CAMK2B: variants seen among roughly 807,000 people sequenced by gnomAD.
CAMK2B encodes the protein calcium/calmodulin-dependent protein kinase type II subunit beta.
Under a neutral mutation model 93.7 loss-of-function variants are expected in CAMK2B, and 27 were observed. The observed-to-expected ratio is 0.29, with a 90% CI of 0.21 to 0.40. The LOEUF (loss-of-function observed/expected upper bound fraction) is 0.40, where lower values mean the gene tolerates loss of function less well. Ranked by LOEUF, CAMK2B falls within the 10% of genes least tolerant of loss-of-function variation. CAMK2B has a pLI of 1.00. For missense variants in CAMK2B, 568 were observed against 895.8 expected (o/e 0.63, Z 4.67); for synonymous variants, 374 against 358.8 (o/e 1.04, Z -0.48).
At chr7:44,231,654 A>G (rs113863748) in intron 16 of CAMK2B, among the ~76,000 whole-genome samples, 1 of 152,168 alleles carries the variant, frequency 6.6e-6, no homozygotes, top group African/African-American at 2.4e-5. Flanking sequence ...GGCCCCAGGC[A>G]GAGCATTCCT....
intron 5 of CAMK2B, among the ~76,000 whole-genome samples, chr7:44,252,980 G>C (rs1157746221): frequency 6.6e-6 from 1 of 152,206 alleles, no homozygotes; most frequent in East Asian, 1.9e-4. Flanking sequence ...ACAGAAGTCT[G>C]GGGCCAAGAG....
intron 2 of CAMK2B, among the ~76,000 whole-genome samples, chr7:44,266,233 G>C (rs2096920321): frequency 6.6e-6 from 1 of 152,070 alleles, no homozygotes; most frequent in Non-Finnish European, 1.5e-5. Flanking sequence ...CAAGAAGGAG[G>C]GGGCACAAGG....
chr7:44,278,565 GGGGA>G (rs1385259756), intron 2 of CAMK2B, among the ~76,000 whole-genome samples: 3 of 152,162 alleles, frequency 2.0e-5, no homozygotes, highest in Non-Finnish European at 4.4e-5. Flanking sequence ...TCCCCGCATG[GGGGA>G]GGCAGCCCAG....
At chr7:44,232,702 A>T in intron 16 of CAMK2B, 120 bp downstream of exon 16, 1 of 791,792 alleles carries the variant, frequency 1.3e-6, no homozygotes, top group Non-Finnish European at 1.9e-6. Context: ...TACTGCGGGG[A>T]GGGGCGGCCA....
chr7:44,258,624 A>G (rs1469876813), intron 4 of CAMK2B, among the ~76,000 whole-genome samples: 3 of 152,048 alleles, frequency 2.0e-5, no homozygotes, highest in Non-Finnish European at 2.9e-5. Flanking sequence ...TGTGGAGGAG[A>G]GGGGGAGTCC....
At chr7:44,261,939 A>C (rs942645287) in intron 3 of CAMK2B, among the ~76,000 whole-genome samples, 4 of 152,164 alleles carry the variant, frequency 2.6e-5, no homozygotes, top group African/African-American at 9.7e-5. Flanking sequence ...AAGCTGCAGT[A>C]GCAGGCCCCT....
rs1045517652 is a variant in CAMK2B, at chr7:44,225,791, G to A, written c.1597+725C>T. Reference sequence around the variant, plus strand: ...GCCACTGCCCTGCCATGCCGAGCCCGTGGCCCAGCAGCCTCTTCTCTAAGA... The same window carrying A: ...GCCACTGCCCTGCCATGCCGAGCCCATGGCCCAGCAGCCTCTTCTCTAAGA... On this transcript the variant is annotated intron_variant, in intron 20 of 23. Coordinates refer to ENST00000395749, the MANE Select transcript of CAMK2B (RefSeq NM_001220.5). This position sits in a 1 kb window ranked among gnomAD's most constrained non-coding sequence, Gnocchi z 5.0. 1.9e-5 allele frequency: 24 copies of A among 1,289,352 alleles called. No homozygotes were observed. The highest frequency in any genetic ancestry group is 1.8e-4 in the Admixed American group (8 of 43,546). The allele number at this position is 1,289,352 out of a possible 1,614,324, so 79.9% of individuals were successfully genotyped here. A position where few individuals can be genotyped will look rare whatever the true frequency, so the allele number is the denominator to read the frequency against.
rs952664644 is a variant in CAMK2B, at chr7:44,252,853, A to T, written c.341+1689T>A. 4.6e-5 allele frequency among the ~76,000 whole-genome samples: 7 copies of T among 152,260 alleles called. No homozygotes were observed. In the East Asian group the frequency reaches 9.6e-4, roughly 21 times the overall value. ...TTTCTACTTGTCTTCTAAGTAGAAT[A>T]TAAAGGAAAACCTCGTCTTCCTCCA... On this transcript the variant is annotated intron_variant, in intron 5 of 23. Transcript: ENST00000395749.
chr7:44,247,348 G>A (rs2096741667), intron 5 of CAMK2B, 156 bp from the exon 6 acceptor site: 2 of 669,698 alleles, frequency 3.0e-6, no homozygotes, highest in Non-Finnish European at 2.7e-6. Context: ...GGGCCTCTGG[G>A]GCTTCTTCCT....
At chr7:44,267,534 G>A (rs2096931208) in intron 2 of CAMK2B, among the ~76,000 whole-genome samples, 1 of 152,166 alleles carries the variant, frequency 6.6e-6, no homozygotes, top group Admixed American at 6.5e-5. Flanking sequence ...CGGAGGCAAG[G>A]GCGTATGTGT....
chr7:44,220,293 C>T lies in CAMK2B; in HGVS notation c.1770G>A (p.Leu590=). Residue 590 remains leucine, a splice_region_variant and synonymous_variant, in exon 23 of 24, where the codon CTG becomes CTA. Coordinates refer to ENST00000395749, the MANE Select transcript of CAMK2B (RefSeq NM_001220.5). ...GGATCGGCTTGCTGTTCTTGGCCAG[C>T]ACTGTGGACAGCAGGCGGGGCGGGG... The part of the protein sequence containing the change: ...MDFHRFYFEN[L]LAKNSKPIHT... The T allele has an allele frequency of 6.2e-7, 1 of 1,610,390 alleles. No individual in the cohort carries two copies. The highest frequency in any genetic ancestry group is 1.1e-5 in the South Asian group (1 of 90,938).
chr7:44,253,901 G>GT (rs58844378), intron 5 of CAMK2B, among the ~76,000 whole-genome samples: 18,924 of 139,634 alleles, frequency 0.14, 1,532 homozygotes, highest in Non-Finnish European at 0.19. Context: ...CCTGGCCTCA[G>GT]TTTTTTTTTT....
rs147836243 is a variant in CAMK2B at position 44,226,420 on chromosome 7, C to T, written c.1597+96G>A. Reference sequence around the variant, plus strand: ...AGGGATCCTGTGCCCCGCCCTCCTCCGCAAGAATGGCCCTTCCCAGAGCAC... The same window carrying T: ...AGGGATCCTGTGCCCCGCCCTCCTCTGCAAGAATGGCCCTTCCCAGAGCAC... On this transcript the variant is annotated intron_variant, in intron 20 of 23. Transcript: ENST00000395749. The T allele has an allele frequency of 6.7e-5, 72 of 1,067,916 alleles. No homozygotes were observed. The East Asian group carries it at 1.1e-3, about 17-fold the overall frequency. The allele number at this position is 1,067,916 out of a possible 1,614,324, so 66.2% of individuals were successfully genotyped here.
intron 2 of CAMK2B, among the ~76,000 whole-genome samples, chr7:44,267,619 G>A (rs1227991569): frequency 2.0e-5 from 3 of 152,154 alleles, no homozygotes; most frequent in Admixed American, 6.5e-5. Flanking sequence ...GCACACGTGT[G>A]TACACATTTA....
chr7:44,221,490 G>A (rs1380811731), intron 20 of CAMK2B, among the ~76,000 whole-genome samples: 2 of 149,830 alleles, frequency 1.3e-5, no homozygotes, highest in Admixed American at 6.6e-5. Context: ...AGCAGGGGGC[G>A]GCCACGTGCG....
rs994376047 is a variant in CAMK2B, at chr7:44,271,799, G to A, written c.161-8735C>T. On this transcript the variant is annotated intron_variant, in intron 2 of 23. Transcript: ENST00000395749. The surrounding 1 kb of genome is among the most constrained non-coding windows in gnomAD (Gnocchi z 4.2). The stretch of plus-strand genomic sequence containing the variant: ...CCCATCCAGTCTCAGGGTGCAGGCC[G>A]GTTTAGGGGCTGAAAGGAGGCCATG... Among the ~76,000 whole-genome samples the A allele has an allele frequency of 1.1e-4, 17 of 152,240 alleles. No homozygotes were observed. The highest frequency in any genetic ancestry group is 3.9e-4 in the African/African-American group (16 of 41,464).
intron 1 of CAMK2B, among the ~76,000 whole-genome samples, chr7:44,287,448 C>G (rs1318551398): frequency 6.6e-6 from 1 of 152,214 alleles, no homozygotes; most frequent in Admixed American, 6.5e-5. Flanking sequence ...GCTGCAGATC[C>G]ACCTCTGTCT....
chr7:44,242,032 C>T (rs2096684570), intron 10 of CAMK2B, among the ~76,000 whole-genome samples, 186 bp downstream of exon 10: 1 of 152,212 alleles, frequency 6.6e-6, no homozygotes, highest in Non-Finnish European at 1.5e-5. Flanking sequence ...TAATGCCTTC[C>T]AAGCCCCAGG....
intron 13 of CAMK2B, 133 bp downstream of exon 13, chr7:44,239,456 C>G (rs1473181564): frequency 4.1e-6 from 3 of 731,522 alleles, no homozygotes; most frequent in African/African-American, 1.8e-5. Context: ...CACACGGGAG[C>G]AGGGGCTCCC....
Sources: allele counts gnomAD v4.1 joint callset (sites outside exome capture counted in the v4.1 genomes callset), GRCh38; gene constraint gnomAD v4.1.1; non-coding constraint Gnocchi (gnomAD v3.1); transcripts MANE v1.5; gene names NCBI Gene and HGNC (gene_info 2026-07-23, HGNC 2026-07-21).